FRMD3: variants seen among roughly 807,000 people sequenced by gnomAD.
FRMD3 encodes FERM domain containing 3.
FRMD3 carries 33 observed loss-of-function variants against 70.2 expected under a neutral mutation model. That is an observed-to-expected ratio of 0.47 (90% CI 0.36 to 0.63). The LOEUF (loss-of-function observed/expected upper bound fraction) is 0.63. Ranked by LOEUF, FRMD3 falls within the 20% of genes least tolerant of loss-of-function variation. The probability of loss-of-function intolerance (pLI) is 0.00; values close to 1 mark genes in which losing one functional copy is unlikely to be tolerated. For synonymous variants in FRMD3, 279 were observed against 255.9 expected, an observed-to-expected ratio of 1.09 and a Z score of -0.86; for missense variants, 632 against 711.4, an observed-to-expected ratio of 0.89 and a Z score of 1.27.
chr9:83,417,605 G>A (rs535664787), intron 1 of FRMD3, among the ~76,000 whole-genome samples: 3 of 152,326 alleles, frequency 2.0e-5, no homozygotes, highest in African/African-American at 7.2e-5. Flanking sequence ...CCAAGAGGAG[G>A]TGTCTAGCAG....
chr9:83,355,895 T>C (rs1295151229), intron 3 of FRMD3, among the ~76,000 whole-genome samples: 3 of 152,158 alleles, frequency 2.0e-5, no homozygotes, highest in African/African-American at 7.2e-5. Flanking sequence ...GAGCTTGTAA[T>C]TGCACTGAGA....
rs1421248642 is a variant in FRMD3, at chr9:83,373,013, GA to G, written c.253-59del. 1.4e-5 allele frequency: 20 copies of G among 1,390,232 alleles called. No homozygotes were observed. The Admixed American group carries it at 3.4e-4, about 24-fold the overall frequency. 86.1% of individuals were successfully genotyped at this position (1,390,232 alleles called of 1,614,324 possible). A position where few individuals can be genotyped will look rare whatever the true frequency, so the allele number is the denominator to read the frequency against. Reference sequence around the variant, plus strand: ...GGGTCAAATTGCTGGACCATACAACGAATACCTAATAACTAAAAGGAATTCC... The same window carrying G: ...GGGTCAAATTGCTGGACCATACAACGATACCTAATAACTAAAAGGAATTCC... On this transcript the variant is annotated intron_variant, in intron 2 of 13. Coordinates refer to ENST00000304195, the MANE Select transcript of FRMD3 (RefSeq NM_174938.6).
At chr9:83,510,452 C>T (rs1829313991) in intron 1 of FRMD3, among the ~76,000 whole-genome samples, 1 of 152,142 alleles carries the variant, frequency 6.6e-6, no homozygotes, top group Non-Finnish European at 1.5e-5. Context: ...TGCAGCTGCT[C>T]TAGAAAGCAG....
At chr9:83,522,158 C>T (rs1318322027) in intron 1 of FRMD3, among the ~76,000 whole-genome samples, 2 of 152,226 alleles carry the variant, frequency 1.3e-5, no homozygotes, top group Non-Finnish European at 2.9e-5. Flanking sequence ...TAAAGATTCT[C>T]TTATTCACAC....
intron 3 of FRMD3, among the ~76,000 whole-genome samples, chr9:83,372,371 A>G (rs199776039): frequency 0.58 from 79,470 of 136,214 alleles, 21,966 homozygotes; most frequent in Non-Finnish European, 0.61. Flanking sequence ...GAGAGAGACG[A>G]AAAAAAAAAA....
chr9:83,518,262 C>G (rs1189459682), intron 1 of FRMD3, among the ~76,000 whole-genome samples: 1 of 152,172 alleles, frequency 6.6e-6, no homozygotes, highest in Non-Finnish European at 1.5e-5. Context: ...CCCAAAAACT[C>G]CTTAAGCTAA....
intron 1 of FRMD3, among the ~76,000 whole-genome samples, chr9:83,441,735 C>T (rs1449402688): frequency 2.0e-5 from 3 of 152,178 alleles, no homozygotes; most frequent in Non-Finnish European, 4.4e-5. Context: ...CAAAAACAAA[C>T]ACACACATTA....
chr9:83,498,979 T>C lies in FRMD3; in HGVS notation c.147+39106A>G, dbSNP rs74835320. 2.2e-3 allele frequency among the ~76,000 whole-genome samples: 328 copies of C among 152,238 alleles called. 3 individuals carry two copies. In the East Asian group the frequency reaches 0.034, roughly 16 times the overall value. On this transcript the variant is annotated intron_variant, in intron 1 of 13. Coordinates refer to ENST00000304195, the MANE Select transcript of FRMD3 (RefSeq NM_174938.6). ...TTCGAGATGAGGCATGTTTGCAAAA[T>C]GAGTATGTTACCTCTAACGTGGCAA... is the stretch of plus-strand genomic sequence containing the variant.
At chr9:83,290,837 A>G in intron 12 of FRMD3, 110 bp from the exon 13 acceptor site, 1 of 1,126,318 alleles carries the variant, frequency 8.9e-7, no homozygotes. Flanking sequence ...AACTACCTCC[A>G]GACACAGTGA....
intron 1 of FRMD3, among the ~76,000 whole-genome samples, chr9:83,452,491 G>GT (rs1554707460): frequency 2.0e-5 from 3 of 151,576 alleles, no homozygotes; most frequent in South Asian, 4.2e-4. Flanking sequence ...TGTTGTTGTT[G>GT]TTTTTTTTGA....
chr9:83,283,549 TAATA>T (rs1834066109), intron 13 of FRMD3, among the ~76,000 whole-genome samples: 1 of 10,052 alleles, frequency 9.9e-5, no homozygotes, highest in Non-Finnish European at 5.0e-4. Flanking sequence ...AAAAAAAAAA[TAATA>T]ATAATAATAA....
intron 5 of FRMD3, among the ~76,000 whole-genome samples, chr9:83,342,473 A>T (rs1314515487): frequency 1.3e-5 from 2 of 152,166 alleles, no homozygotes; most frequent in Non-Finnish European, 2.9e-5. Flanking sequence ...AAGAAACTGA[A>T]CCCTGAAGAG....
chr9:83,382,541 G>C (rs1338391832), intron 2 of FRMD3, among the ~76,000 whole-genome samples: 1 of 152,190 alleles, frequency 6.6e-6, no homozygotes, highest in African/African-American at 2.4e-5. Flanking sequence ...AGGTGGCAGA[G>C]ATAGGATTTG....
chr9:83,563,233 G>A, the FRMD3 span, among the ~76,000 whole-genome samples: 1 of 152,028 alleles, frequency 6.6e-6, no homozygotes, highest in African/African-American at 2.4e-5. Flanking sequence ...TATGTCTGGG[G>A]ACTTTCCCTT....
At chr9:83,328,985 C>T (rs1286311742) in intron 6 of FRMD3, among the ~76,000 whole-genome samples, 1 of 151,916 alleles carries the variant, frequency 6.6e-6, no homozygotes. Flanking sequence ...AATAATATAA[C>T]CCTCTCTCCT....
At chr9:83,508,676 C>T (rs181045065) in intron 1 of FRMD3, among the ~76,000 whole-genome samples, 1 of 152,242 alleles carries the variant, frequency 6.6e-6, no homozygotes, top group African/African-American at 2.4e-5. Flanking sequence ...CCCCAGGAGA[C>T]ACCACAGTGC....
At chr9:83,296,537 GGT>G (rs1362587448) in intron 12 of FRMD3, among the ~76,000 whole-genome samples, 1 of 152,092 alleles carries the variant, frequency 6.6e-6, no homozygotes, top group Non-Finnish European at 1.5e-5. Flanking sequence ...AATTCTTTCT[GGT>G]GTTGTCAGAG....
intron 10 of FRMD3, among the ~76,000 whole-genome samples, chr9:83,303,899 C>T (rs967829330): frequency 2.0e-5 from 3 of 152,176 alleles, no homozygotes; most frequent in Non-Finnish European, 2.9e-5. Context: ...CCCTGATTCC[C>T]CTCCTCATCT....
chr9:83,460,681 T>A (rs1464504121), intron 1 of FRMD3, among the ~76,000 whole-genome samples: 1 of 152,222 alleles, frequency 6.6e-6, no homozygotes, highest in Non-Finnish European at 1.5e-5. Flanking sequence ...TGTACATGGT[T>A]TCAAAGTCAA....
Sources: allele counts gnomAD v4.1 joint callset (sites outside exome capture counted in the v4.1 genomes callset), GRCh38; gene constraint gnomAD v4.1.1; transcripts MANE v1.5; gene names NCBI Gene and HGNC (gene_info 2026-07-23, HGNC 2026-07-21).